BTBD6: variants seen among roughly 807,000 people sequenced by gnomAD.
BTBD6 encodes BTB/POZ domain-containing protein 6.
A neutral mutation model predicts 40.6 loss-of-function variants in BTBD6; 30 were observed. That is an observed-to-expected ratio of 0.74 (90% CI 0.55 to 1.00). The LOEUF (loss-of-function observed/expected upper bound fraction) is 1.00, where lower values mean the gene tolerates loss of function less well. Among genes scored for constraint, BTBD6 ranks in the 50% least tolerant of loss-of-function variants. The pLI is 0.00. For synonymous variants in BTBD6, 378 were observed against 308.7 expected (o/e 1.22, Z -2.35); for missense variants, 698 against 694.6 (o/e 1.00, Z -0.06).
At position 105,249,438 on chromosome 14, in the gene BTBD6, A is replaced by G; in HGVS notation, c.544A>G (p.Ile182Val). ...GGCGGAAGTCAAATCTGAAATTCAC[A>G]TTCCAGACGTGGAGCCCGCAGCCTT... is the stretch of plus-strand genomic sequence containing the variant. ...DLAEVKSEIH[I>V]PDVEPAAFLI... Residue 182 changes from isoleucine to valine, a missense_variant, in exon 3 of 4, where the codon ATT (isoleucine) becomes GTT (valine). Ile to Val is a conservative substitution (Grantham distance 29). Transcript: ENST00000392554. The G allele has an allele frequency of 6.2e-7, 1 of 1,611,228 alleles. No individual in the cohort carries two copies. Among genetic ancestry groups the G allele is most frequent in the Admixed American group, 1.7e-5 (1 of 59,938 alleles).
In BTBD6 at chr14:105,249,649, C is replaced by T. The variant is rs147491768; in HGVS notation, c.594C>T (p.Tyr198=). The T allele has an allele frequency of 1.8e-5, 29 of 1,611,522 alleles. No individual in the cohort carries two copies. In the African/African-American group the frequency reaches 3.7e-4, roughly 21 times the overall value. The change falls in exon 4 of 4, where the codon TAC becomes TAT. Residue 198 remains tyrosine (Y), a synonymous_variant. Coordinates refer to ENST00000392554, the MANE Select transcript of BTBD6 (RefSeq NM_001387567.1). The part of the protein sequence containing the change: ...AAFLILLKYM[Y]SDEIDLEADT... ...GCCCTGCCTCGCCTAGGTACATGTA[C>T]AGTGATGAGATCGATCTGGAAGCCG...
Position 105,248,952 on chromosome 14 carries a change from A to G in BTBD6, c.241A>G (p.Lys81Glu). The part of the protein sequence containing the change: ...NSNAGAAVGR[K>E]AGPRSPPSAP... Reference sequence around the variant, plus strand: ...CAACGCCGGCGCCGCCGTGGGCAGGAAGGCCGGGCCGCGCAGCCCGCCCAG... The same window carrying G: ...CAACGCCGGCGCCGCCGTGGGCAGGGAGGCCGGGCCGCGCAGCCCGCCCAG... The change falls in exon 1 of 4, where the codon AAG (lysine) becomes GAG (glutamate). Residue 81 changes from lysine (K) to glutamate (E), a missense_variant. Coordinates refer to ENST00000392554, the MANE Select transcript of BTBD6 (RefSeq NM_001387567.1). 1 of 980,522 alleles carries G rather than the reference A, an allele frequency of 1.0e-6. No homozygotes were observed. Among genetic ancestry groups the G allele is most frequent in the Non-Finnish European group, 1.2e-6 (1 of 829,398 alleles). 60.7% of individuals were successfully genotyped at this position (980,522 alleles called of 1,614,324 possible).
Position 105,250,387 on chromosome 14 carries a change from C to A in BTBD6, c.1332C>A (p.Leu444=). ...CTGAGTACAGCGTGAAGATTGAGCT[C>A]AAGCGGCTCGGGGTGGTTCTGGCTC... The part of the protein sequence containing the change: ...GKAEYSVKIE[L]KRLGVVLAQN... Residue 444 remains leucine, a synonymous_variant, in exon 4 of 4, where the codon CTC becomes CTA. Transcript: ENST00000392554. 1 of 1,613,864 alleles carries A rather than the reference C, an allele frequency of 6.2e-7. No homozygotes were observed. The highest frequency in any genetic ancestry group is 1.6e-4 in the Middle Eastern group (1 of 6,062).
At position 105,249,058 on chromosome 14, in the gene BTBD6, G is replaced by A. The variant is rs1218287398; in HGVS notation, c.347G>A (p.Arg116Gln). ...AACCACCAGGAGAGCCCCGGCTGGC[G>A]GTGCTGCCGCCCCACGCTGCGCGAG... Reference protein sequence around the residue: ...GNNHQESPGWRCCRPTLRERN... With the variant: ...GNNHQESPGWQCCRPTLRERN... Residue 116 changes from arginine to glutamine, a missense_variant, in exon 1 of 4, where the codon CGG becomes CAG. Transcript: ENST00000392554. The A allele has an allele frequency of 6.2e-6, 8 of 1,297,642 alleles. No individual in the cohort carries two copies. The South Asian group carries it at 1.4e-4, about 23-fold the overall frequency. The allele number at this position is 1,297,642 out of a possible 1,614,324, so 80.4% of individuals were successfully genotyped here.
rs1187130257 is a variant in BTBD6 at position 105,248,556 on chromosome 14, G to GGCGGGTGCGGGT, written c.-150_-149insGCGGGTGCGGGT. Reference sequence around the variant, plus strand: ...ACGCAGCGTGACGCACCGGCGCCGCGGCGGGTACGGGCTCGGGCGGGCGGG... The same window carrying GGCGGGTGCGGGT: ...ACGCAGCGTGACGCACCGGCGCCGCGGCGGGTGCGGGTGCGGGTACGGGCTCGGGCGGGCGGG... On this transcript the variant is annotated 5_prime_UTR_variant, in exon 1 of 4. Transcript: ENST00000392554. The GGCGGGTGCGGGT allele has an allele frequency of 3.1e-3, 2,553 of 827,582 alleles. 5 individuals are homozygous for GGCGGGTGCGGGT. Among genetic ancestry groups the GGCGGGTGCGGGT allele is most frequent in the East Asian group, 7.5e-3 (43 of 5,770 alleles). 51.3% of individuals were successfully genotyped at this position (827,582 alleles called of 1,614,324 possible). A position where few individuals can be genotyped will look rare whatever the true frequency, so the allele number is the denominator to read the frequency against.
Position 105,248,987 on chromosome 14 carries a change from G to T in BTBD6, c.276G>T (p.Ala92=). 1 of 988,314 alleles carries T rather than the reference G, an allele frequency of 1.0e-6. No individual in the cohort carries two copies. The highest frequency in any genetic ancestry group is 1.2e-6 in the Non-Finnish European group (1 of 833,872). The allele number at this position is 988,314 out of a possible 1,614,324, so 61.2% of individuals were successfully genotyped here. A position where few individuals can be genotyped will look rare whatever the true frequency, so the allele number is the denominator to read the frequency against. Reference sequence around the variant, plus strand: ...CGCGCAGCCCGCCCAGCGCCCCCGCGCCAGCGCCGCCGCCGCCCGCGCCCG... The same window carrying T: ...CGCGCAGCCCGCCCAGCGCCCCCGCTCCAGCGCCGCCGCCGCCCGCGCCCG... ...AGPRSPPSAP[A]PAPPPPAPAP... The change falls in exon 1 of 4, where the codon GCG becomes GCT. Residue 92 remains alanine, a synonymous_variant. Transcript: ENST00000392554.
rs2055560779 is a variant in BTBD6 at position 105,250,777 on chromosome 14, T to C, written c.*105T>C. The C allele has an allele frequency of 2.5e-6, 3 of 1,207,964 alleles. No homozygotes were observed. The highest frequency in any genetic ancestry group is 2.5e-5 in the East Asian group (1 of 40,074). 74.8% of individuals were successfully genotyped at this position (1,207,964 alleles called of 1,614,324 possible). A position where few individuals can be genotyped will look rare whatever the true frequency, so the allele number is the denominator to read the frequency against. ...AGGCTGCTCTTAACTTTGTCTCTCTTTGACATGTAGTCAGCTGAAGCTTGA... is the reference window on the plus strand; with the variant it reads ...AGGCTGCTCTTAACTTTGTCTCTCTCTGACATGTAGTCAGCTGAAGCTTGA... On this transcript the variant is annotated 3_prime_UTR_variant, in exon 4 of 4. Transcript: ENST00000392554.
rs61743879 is a variant in BTBD6 at position 105,249,193 on chromosome 14, C to T, written c.411C>T (p.Asp137=). The change falls in exon 2 of 4, where the codon GAC becomes GAT. Residue 137 remains aspartate (D), a synonymous_variant. Coordinates refer to ENST00000392554, the MANE Select transcript of BTBD6 (RefSeq NM_001387567.1). ...ALMFNNELMA[D]VHFVVGPPGA... ...TGTTCAACAACGAGCTCATGGCCGACGTGCACTTCGTCGTGGGGCCCCCGG... is the reference window on the plus strand; with the variant it reads ...TGTTCAACAACGAGCTCATGGCCGATGTGCACTTCGTCGTGGGGCCCCCGG... The T allele has an allele frequency of 1.1e-3, 1,680 of 1,588,872 alleles. 15 individuals are homozygous for T. The African/African-American group carries it at 0.02, about 19-fold the overall frequency.
In BTBD6 at chr14:105,250,649, C is replaced by T. The variant is rs1236387127; in HGVS notation, c.1594C>T (p.Pro532Ser). ...GACTGGGGTCCAGGGTGGGCAGATCCCTGAGCTCATTTTCTATGCCTGAGG... is the reference window on the plus strand; with the variant it reads ...GACTGGGGTCCAGGGTGGGCAGATCTCTGAGCTCATTTTCTATGCCTGAGG... ...NGTGVQGGQI[P>S]ELIFYA is the part of the protein sequence containing the mutation. The change falls in exon 4 of 4, where the codon CCT becomes TCT. Residue 532 changes from proline to serine, a missense_variant. Pro to Ser is a moderately conservative substitution (Grantham distance 74). Transcript: ENST00000392554. 1.2e-6 allele frequency: 2 copies of T among 1,610,260 alleles called. No individual in the cohort carries two copies. Among genetic ancestry groups the T allele is most frequent in the South Asian group, 1.1e-5 (1 of 90,976 alleles).
chr14:105,249,094 G>C lies in BTBD6; in HGVS notation c.374+9G>C, dbSNP rs587662307. On this transcript the variant is annotated intron_variant, in intron 1 of 3. Transcript: ENST00000392554. Reference sequence around the variant, plus strand: ...CCCACGCTGCGCGAGAGGTGAGCCCGTGCCCCGCGGCCCCCGCGCCCGCGC... The same window carrying C: ...CCCACGCTGCGCGAGAGGTGAGCCCCTGCCCCGCGGCCCCCGCGCCCGCGC... The C allele has an allele frequency of 1.3e-6, 2 of 1,482,942 alleles. No individual in the cohort carries two copies. The highest frequency in any genetic ancestry group is 2.8e-5 in the East Asian group (1 of 36,362). 91.9% of individuals were successfully genotyped at this position (1,482,942 alleles called of 1,614,324 possible).
In BTBD6 at chr14:105,249,179, G is replaced by T; in HGVS notation, c.397G>T (p.Glu133Ter). The T allele has an allele frequency of 6.3e-7, 1 of 1,586,804 alleles. No individual in the cohort carries two copies. Among genetic ancestry groups the T allele is most frequent in the Non-Finnish European group, 8.5e-7 (1 of 1,173,788 alleles). ...CAGGAACGCGCTCATGTTCAACAACGAGCTCATGGCCGACGTGCACTTCGT... is the reference window on the plus strand; with the variant it reads ...CAGGAACGCGCTCATGTTCAACAACTAGCTCATGGCCGACGTGCACTTCGT... ...RERNALMFNN[E>*]LMADVHFVVG... The change falls in exon 2 of 4, where the codon GAG (glutamate) becomes TAG (stop). Residue 133 changes from glutamate (E) to a stop codon, truncating the protein, a stop_gained. Transcript: ENST00000392554. LOFTEE classifies it high-confidence loss of function.
chr14:105,250,621 C>T lies in BTBD6; in HGVS notation c.1566C>T (p.Asn522=), dbSNP rs371316817. 3.1e-5 allele frequency: 50 copies of T among 1,613,724 alleles called. No homozygotes were observed. Among genetic ancestry groups the T allele is most frequent in the Admixed American group, 5.0e-5 (3 of 59,994 alleles). Residue 522 remains asparagine (N), a synonymous_variant, in exon 4 of 4, where the codon AAC becomes AAT. Transcript: ENST00000392554. ...TCCAGTGCTCCTCGGACAGCACCAACGGGACTGGGGTCCAGGGTGGGCAGA... is the reference window on the plus strand; with the variant it reads ...TCCAGTGCTCCTCGGACAGCACCAATGGGACTGGGGTCCAGGGTGGGCAGA... ...FQFQCSSDST[N]GTGVQGGQIP... is the part of the protein sequence containing the mutation.
At position 105,248,568 on chromosome 14, in the gene BTBD6, C is replaced by CGCGGGCGGGCGGG. The variant is rs2055302903; in HGVS notation, c.-144_-143insGCGGGCGGGCGGG. 1 of 203,382 alleles carries CGCGGGCGGGCGGG rather than the reference C, an allele frequency of 4.9e-6. No homozygotes were observed. Among genetic ancestry groups the CGCGGGCGGGCGGG allele is most frequent in the Non-Finnish European group, 6.2e-6 (1 of 161,864 alleles). 12.6% of individuals were successfully genotyped at this position (203,382 alleles called of 1,614,324 possible). ...GCACCGGCGCCGCGGCGGGTACGGG[C>CGCGGGCGGGCGGG]TCGGGCGGGCGGGCGGGCGGGACGG... is the stretch of plus-strand genomic sequence containing the variant. On this transcript the variant is annotated 5_prime_UTR_variant, in exon 1 of 4. Coordinates refer to ENST00000392554, the MANE Select transcript of BTBD6 (RefSeq NM_001387567.1).
Position 105,250,731 on chromosome 14 carries a change from A to T in BTBD6, c.*59A>T, listed in dbSNP as rs2055557165. 1 of 1,495,626 alleles carries T rather than the reference A, an allele frequency of 6.7e-7. No homozygotes were observed. The highest frequency in any genetic ancestry group is 9.1e-7 in the Non-Finnish European group (1 of 1,097,214). 92.6% of individuals were successfully genotyped at this position (1,495,626 alleles called of 1,614,324 possible). A position where few individuals can be genotyped will look rare whatever the true frequency, so the allele number is the denominator to read the frequency against. ...GAGTGGAGGGGAAGTCAAGATGCTA[A>T]CTGCTTCTTGACACCATGAAAGGCT... On this transcript the variant is annotated 3_prime_UTR_variant, in exon 4 of 4. Transcript: ENST00000392554.
chr14:105,249,859 C>G lies in BTBD6; in HGVS notation c.804C>G (p.Ala268=). 2 of 1,612,718 alleles carry G rather than the reference C, an allele frequency of 1.2e-6. No homozygotes were observed. Among genetic ancestry groups the G allele is most frequent in the Non-Finnish European group, 1.7e-6 (2 of 1,180,018 alleles). The change falls in exon 4 of 4, where the codon GCC becomes GCG. Residue 268 remains alanine (A), a synonymous_variant. Transcript: ENST00000392554. The part of the protein sequence containing the change: ...QRCWEVIDAQ[A]EMALRSEGFC... ...GCTGGGAGGTCATTGACGCACAGGC[C>G]GAGATGGCCCTACGGTCCGAAGGCT...
Position 105,250,593 on chromosome 14 carries a change from A to G in BTBD6, c.1538A>G (p.Gln513Arg). The change falls in exon 4 of 4, where the codon CAG (glutamine) becomes CGG (arginine). Residue 513 changes from glutamine (Q) to arginine (R), a missense_variant. Transcript: ENST00000392554. ...GTGCAGTGTGGAAAGGTGGCCTTCC[A>G]GTTCCAGTGCTCCTCGGACAGCACC... ...TEVQCGKVAF[Q>R]FQCSSDSTNG... The G allele has an allele frequency of 1.2e-6, 2 of 1,614,118 alleles. No individual in the cohort carries two copies. Among genetic ancestry groups the G allele is most frequent in the Non-Finnish European group, 1.7e-6 (2 of 1,180,030 alleles).
In BTBD6 at chr14:105,248,566, G is replaced by GGCTC. The variant is rs1566832376; in HGVS notation, c.-144_-141dup. Reference sequence around the variant, plus strand: ...ACGCACCGGCGCCGCGGCGGGTACGGGCTCGGGCGGGCGGGCGGGCGGGAC... The same window carrying GGCTC: ...ACGCACCGGCGCCGCGGCGGGTACGGGCTCGCTCGGGCGGGCGGGCGGGCGGGAC... On this transcript the variant is annotated 5_prime_UTR_variant, in exon 1 of 4. Transcript: ENST00000392554. The GGCTC allele has an allele frequency of 1.5e-5, 12 of 775,366 alleles. No individual in the cohort carries two copies. The highest frequency in any genetic ancestry group is 1.7e-5 in the Non-Finnish European group (11 of 665,292). 48.0% of individuals were successfully genotyped at this position (775,366 alleles called of 1,614,324 possible).
In BTBD6 at chr14:105,248,998, C is replaced by T. The variant is rs2055372638; in HGVS notation, c.287C>T (p.Pro96Leu). The T allele has an allele frequency of 1.3e-5, 13 of 1,016,712 alleles. No homozygotes were observed. Among genetic ancestry groups the T allele is most frequent in the Non-Finnish European group, 1.4e-5 (12 of 851,970 alleles). The allele number at this position is 1,016,712 out of a possible 1,614,324, so 63.0% of individuals were successfully genotyped here. ...SPPSAPAPAP[P>L]PPAPAPPTLG... Reference sequence around the variant, plus strand: ...CCCAGCGCCCCCGCGCCAGCGCCGCCGCCGCCCGCGCCCGCGCCGCCCACA... The same window carrying T: ...CCCAGCGCCCCCGCGCCAGCGCCGCTGCCGCCCGCGCCCGCGCCGCCCACA... Residue 96 changes from proline (P) to leucine (L), a missense_variant, in exon 1 of 4, where the codon CCG becomes CTG. By Grantham distance (98) the Pro-to-Leu change is moderately conservative. Transcript: ENST00000392554.
chr14:105,251,027 A>G lies in BTBD6; in HGVS notation c.*355A>G. ...AGCTTAACTTGAGACCTTCCCTTCA[A>G]ATCTAAAATTGGCAAAAAGTCACTT... On this transcript the variant is annotated 3_prime_UTR_variant, in exon 4 of 4. Transcript: ENST00000392554. The G allele has an allele frequency of 3.9e-6, 1 of 258,140 alleles. No individual in the cohort carries two copies. Among genetic ancestry groups the G allele is most frequent in the Non-Finnish European group, 8.0e-6 (1 of 124,770 alleles). 16.0% of individuals were successfully genotyped at this position (258,140 alleles called of 1,614,324 possible). A position where few individuals can be genotyped will look rare whatever the true frequency, so the allele number is the denominator to read the frequency against.
Sources: allele counts gnomAD v4.1 joint callset, GRCh38; gene constraint gnomAD v4.1.1; transcripts MANE v1.5; gene names NCBI Gene and HGNC (gene_info 2026-07-23, HGNC 2026-07-21).